SGCD: variants seen among roughly 807,000 people sequenced by gnomAD.
SGCD encodes delta-sarcoglycan.
Under a neutral mutation model 36.6 loss-of-function variants are expected in SGCD, and 18 were observed. The observed-to-expected ratio is 0.49, with a 90% CI of 0.34 to 0.73. SGCD has a LOEUF of 0.73. Among genes scored for constraint, SGCD ranks in the 30% least tolerant of loss-of-function variants. The pLI is 0.01. For missense variants in SGCD, 387 were observed against 346.7 expected (o/e 1.12, Z -0.92); for synonymous variants, 133 against 130.6 (o/e 1.02, Z -0.12).
chr5:156,749,451 T>A (rs1561895213), intron 7 of SGCD, among the ~76,000 whole-genome samples: 1 of 152,054 alleles, frequency 6.6e-6, no homozygotes, highest in Non-Finnish European at 1.5e-5. Context: ...TAGATCAGAT[T>A]GACAAACCCA....
chr5:156,545,152 A>AC (rs1418664438), intron 4 of SGCD, among the ~76,000 whole-genome samples: 1 of 152,164 alleles, frequency 6.6e-6, no homozygotes, highest in East Asian at 1.9e-4. Flanking sequence ...TGTCCCATGA[A>AC]ATTAGAAACC....
In SGCD at chr5:155,944,985, C is replaced by T. The variant is rs184721153; in HGVS notation, c.-282+74561C>T. Among the ~76,000 whole-genome samples the T allele has an allele frequency of 2.6e-4, 40 of 151,916 alleles. No individual in the cohort carries two copies. In the South Asian group the frequency reaches 6.0e-3, roughly 23 times the overall value. ...GTGGCCCAAGTGAACAAACACATACCGAGAGTTTTTCTAGATACCAGTGGT... is the reference window on the plus strand; with the variant it reads ...GTGGCCCAAGTGAACAAACACATACTGAGAGTTTTTCTAGATACCAGTGGT... On this transcript the variant is annotated intron_variant, in intron 1 of 9. Transcript: ENST00000517913.
chr5:156,349,585 A>T (rs944574126), intron 3 of SGCD, among the ~76,000 whole-genome samples: 16 of 151,186 alleles, frequency 1.1e-4, no homozygotes, highest in Admixed American at 2.0e-4. Context: ...AATAAAAATT[A>T]AAAAAAATAG....
At chr5:156,526,416 C>A (rs553254172) in intron 4 of SGCD, among the ~76,000 whole-genome samples, 2 of 152,254 alleles carry the variant, frequency 1.3e-5, no homozygotes, top group Non-Finnish European at 2.9e-5. Flanking sequence ...AGCAAAGCAG[C>A]TCCAACTCCC....
chr5:156,572,017 G>A (rs976648311), intron 4 of SGCD, among the ~76,000 whole-genome samples: 5 of 152,182 alleles, frequency 3.3e-5, no homozygotes, highest in African/African-American at 1.2e-4. Context: ...TGGCTTTTGT[G>A]TATAGTTCCT....
At chr5:156,481,371 G>A (rs1755418800) in intron 3 of SGCD, among the ~76,000 whole-genome samples, 1 of 152,206 alleles carries the variant, frequency 6.6e-6, no homozygotes, top group South Asian at 2.1e-4. Flanking sequence ...CCTGTGGAAA[G>A]GTGAGTGGCT....
intron 1 of SGCD, among the ~76,000 whole-genome samples, chr5:155,939,836 C>T (rs1757287819): frequency 6.9e-6 from 1 of 144,828 alleles, no homozygotes; most frequent in Non-Finnish European, 1.5e-5. Context: ...ATCCAAATGT[C>T]TCTTTTTTTT....
chr5:156,126,108 T>C (rs937176559), intron 3 of SGCD, among the ~76,000 whole-genome samples: 8 of 152,002 alleles, frequency 5.3e-5, no homozygotes, highest in Non-Finnish European at 8.8e-5. Context: ...CTCGAACTCC[T>C]GAACTCAAGT....
At chr5:156,202,270 C>T (rs1764170361) in intron 3 of SGCD, among the ~76,000 whole-genome samples, 1 of 152,112 alleles carries the variant, frequency 6.6e-6, no homozygotes, top group African/African-American at 2.4e-5. Flanking sequence ...TAGCAATGTT[C>T]TCAGTGTAAT....
the SGCD span, among the ~76,000 whole-genome samples, chr5:155,824,965 A>G: frequency 1.3e-5 from 2 of 152,220 alleles, no homozygotes; most frequent in African/African-American, 2.4e-5. Flanking sequence ...AGATGGAGCT[A>G]TCCCAGCTCT....
chr5:156,075,877 G>A (rs113366129), intron 1 of SGCD, among the ~76,000 whole-genome samples: 21 of 152,286 alleles, frequency 1.4e-4, no homozygotes, highest in African/African-American at 4.6e-4. Context: ...TCCAGATTTA[G>A]ACTGCTGACT....
Position 156,688,335 on chromosome 5 carries a change from C to T in SGCD, c.575+40799C>T, listed in dbSNP as rs187112292. Among the ~76,000 whole-genome samples, 483 of 152,110 alleles carry T rather than the reference C, an allele frequency of 3.2e-3. 5 individuals are homozygous for T. Among genetic ancestry groups the T allele is most frequent in the African/African-American group, 0.01 (417 of 41,518 alleles). ...TGGATTTTATCTGAATGCATTTATC[C>T]ACTAGGTTATTCACAGCAAGTACTG... On this transcript the variant is annotated intron_variant, in intron 7 of 8. Coordinates refer to ENST00000337851, the MANE Select transcript of SGCD (RefSeq NM_000337.6).
intron 3 of SGCD, among the ~76,000 whole-genome samples, chr5:156,471,054 G>T (rs1754940081): frequency 6.6e-6 from 1 of 152,080 alleles, no homozygotes; most frequent in Non-Finnish European, 1.5e-5. Context: ...TTAGCTGGGT[G>T]ACTTCTCACC....
chr5:156,582,435 C>T (rs1378797260), intron 4 of SGCD, among the ~76,000 whole-genome samples: 1 of 152,100 alleles, frequency 6.6e-6, no homozygotes, highest in African/African-American at 2.4e-5. Context: ...TGTCCACAGC[C>T]ATGTAAGGAT....
chr5:155,743,387 C>T, the SGCD span, among the ~76,000 whole-genome samples: 2 of 152,192 alleles, frequency 1.3e-5, no homozygotes, highest in Non-Finnish European at 2.9e-5. Context: ...TCTAGCTCCT[C>T]AGTCTACAAG....
chr5:155,807,469 G>T, the SGCD span, among the ~76,000 whole-genome samples: 1 of 152,236 alleles, frequency 6.6e-6, no homozygotes, highest in Non-Finnish European at 1.5e-5. Context: ...TATGGTTGAA[G>T]CTTGGGCCAG....
At chr5:156,436,643 C>G (rs1352754776) in intron 3 of SGCD, among the ~76,000 whole-genome samples, 1 of 152,202 alleles carries the variant, frequency 6.6e-6, no homozygotes, top group Admixed American at 6.5e-5. Flanking sequence ...TCAGAATCCA[C>G]ATTTCCGTGT....
chr5:156,139,981 C>T (rs1762540283), intron 3 of SGCD, among the ~76,000 whole-genome samples: 1 of 152,168 alleles, frequency 6.6e-6, no homozygotes, highest in Non-Finnish European at 1.5e-5. Context: ...GAGGACACAG[C>T]ATTCCTGCCC....
chr5:155,899,044 A>G (rs1485061919), intron 1 of SGCD, among the ~76,000 whole-genome samples: 1 of 152,198 alleles, frequency 6.6e-6, no homozygotes, highest in East Asian at 1.9e-4. Context: ...AGCTCCACGC[A>G]TTTGAGGACC....
Sources: gnomAD v4.1 joint callset for allele counts (sites outside exome capture counted in the v4.1 genomes callset) on GRCh38, gnomAD v4.1.1 for gene constraint, MANE v1.5 for transcripts, NCBI Gene and HGNC (gene_info 2026-07-23, HGNC 2026-07-21) for gene names.